Variants in CNTNAP2 observed in about 807,000 individuals in gnomAD.
CNTNAP2 encodes contactin-associated protein-like 2.
In CNTNAP2, 98 loss-of-function variants were observed where a neutral mutation model predicts 155.2. The observed-to-expected ratio is 0.63, with a 90% CI of 0.54 to 0.75. The LOEUF is 0.75. Among genes scored for constraint, CNTNAP2 ranks in the 30% least tolerant of loss-of-function variants. The probability of loss-of-function intolerance (pLI) is 0.00; values close to 1 mark genes in which losing one functional copy is unlikely to be tolerated. For missense variants in CNTNAP2, 1,727 were observed against 1,688.1 expected (o/e 1.02, Z -0.40); for synonymous variants, 651 against 631.2 (o/e 1.03, Z -0.47).
At chr7:146,682,257 T>A (rs2533120) in intron 1 of CNTNAP2, among the ~76,000 whole-genome samples, 1 of 151,880 alleles carries the variant, frequency 6.6e-6, no homozygotes, top group Non-Finnish European at 1.5e-5. Flanking sequence ...ATATTTTTAA[T>A]GTAAGTACTC....
At chr7:146,703,787 C>T (rs998198812) in intron 1 of CNTNAP2, among the ~76,000 whole-genome samples, 4 of 152,128 alleles carry the variant, frequency 2.6e-5, no homozygotes, top group African/African-American at 9.6e-5. Flanking sequence ...TTAATAACAT[C>T]ACATTGGGGA....
intron 21 of CNTNAP2, among the ~76,000 whole-genome samples, chr7:148,278,330 G>T (rs549318263): frequency 3.9e-5 from 6 of 152,196 alleles, no homozygotes; most frequent in African/African-American, 1.4e-4. Context: ...ACTTTGGAAA[G>T]CCGAGGCAGG....
intron 3 of CNTNAP2, among the ~76,000 whole-genome samples, chr7:146,872,162 A>ATTTT: frequency 9.0e-6 from 1 of 111,526 alleles, no homozygotes; most frequent in African/African-American, 3.4e-5. Flanking sequence ...AAATTATTGA[A>ATTTT]TTTTTTTTTT....
intron 14 of CNTNAP2, among the ~76,000 whole-genome samples, chr7:147,975,814 T>C (rs776513935): frequency 7.2e-5 from 11 of 152,176 alleles, no homozygotes; most frequent in South Asian, 2.1e-4. Context: ...GGAAACTTGA[T>C]TGAGTTACAC....
chr7:146,844,422 A>C (rs980106269), intron 3 of CNTNAP2, among the ~76,000 whole-genome samples: 3 of 152,262 alleles, frequency 2.0e-5, no homozygotes, highest in South Asian at 2.1e-4. Flanking sequence ...AAAATTGCCC[A>C]AAAAATCATT....
intron 1 of CNTNAP2, among the ~76,000 whole-genome samples, chr7:146,208,975 C>T (rs893789472): frequency 6.6e-5 from 10 of 151,928 alleles, no homozygotes; most frequent in African/African-American, 2.4e-4. Flanking sequence ...AAAAAAGTAA[C>T]CTATATAATG....
chr7:148,408,821 A>G (rs2159127), intron 22 of CNTNAP2, among the ~76,000 whole-genome samples: 87,369 of 151,958 alleles, frequency 0.57, 25,815 homozygotes, highest in African/African-American at 0.66. Flanking sequence ...TCTTACGTTT[A>G]TAATAGGGAA....
chr7:147,449,406 C>T (rs979991638), intron 10 of CNTNAP2, among the ~76,000 whole-genome samples: 2 of 152,092 alleles, frequency 1.3e-5, no homozygotes, highest in African/African-American at 2.4e-5. Flanking sequence ...CCGTGGGCAA[C>T]CTACAACCAA....
chr7:147,136,308 T>C (rs1391767295), intron 8 of CNTNAP2, among the ~76,000 whole-genome samples: 1 of 152,050 alleles, frequency 6.6e-6, no homozygotes, highest in Non-Finnish European at 1.5e-5. Flanking sequence ...TGTTTTCTTA[T>C]ACTCAAGTAT....
chr7:148,087,107 G>A lies in CNTNAP2; in HGVS notation c.2384-31011G>A, dbSNP rs376689136. Among the ~76,000 whole-genome samples the A allele has an allele frequency of 8.5e-5, 13 of 152,118 alleles. No individual in the cohort carries two copies. The East Asian group carries it at 1.2e-3, about 14-fold the overall frequency. ...CTTTCAGTCCTCCTCCTCAGAACAC[G>A]TGCCCGAACTATCATTTTTGAGATC... is the stretch of plus-strand genomic sequence containing the variant. On this transcript the variant is annotated intron_variant, in intron 15 of 23. Transcript: ENST00000361727.
chr7:146,202,945 T>C (rs1330679973), intron 1 of CNTNAP2, among the ~76,000 whole-genome samples: 1 of 152,224 alleles, frequency 6.6e-6, no homozygotes, highest in Non-Finnish European at 1.5e-5. Context: ...CATAAACATC[T>C]TAACTATTTT....
chr7:146,155,023 CATAGAT>C (rs980081305), intron 1 of CNTNAP2, among the ~76,000 whole-genome samples: 1 of 152,160 alleles, frequency 6.6e-6, no homozygotes, highest in African/African-American at 2.4e-5. Context: ...TGCAACCACA[CATAGAT>C]ATAAACTCTA....
chr7:146,235,588 T>G (rs1799459036), intron 1 of CNTNAP2, among the ~76,000 whole-genome samples: 1 of 152,150 alleles, frequency 6.6e-6, no homozygotes, highest in Admixed American at 6.5e-5. Context: ...AGCATCATCT[T>G]CTCTGGGGCA....
At chr7:147,167,407 C>T (rs1802136312) in intron 8 of CNTNAP2, 1 of 1,314,474 alleles carries the variant, frequency 7.6e-7, no homozygotes, top group Non-Finnish European at 1.0e-6. Context: ...TTTGAAAAGC[C>T]CTTCCTCTGG....
intron 12 of CNTNAP2, among the ~76,000 whole-genome samples, chr7:147,593,205 T>A (rs1347758527): frequency 3.5e-5 from 5 of 141,876 alleles, no homozygotes; most frequent in African/African-American, 1.3e-4. Flanking sequence ...TCTTAAGACC[T>A]TCCCTTATTT....
At chr7:148,140,610 T>A (rs1301078651) in intron 16 of CNTNAP2, among the ~76,000 whole-genome samples, 1 of 151,930 alleles carries the variant, frequency 6.6e-6, no homozygotes, top group African/African-American at 2.4e-5. Context: ...TTAATAGGGA[T>A]GGCATTTCTC....
At chr7:146,210,812 C>G (rs7789370) in intron 1 of CNTNAP2, among the ~76,000 whole-genome samples, 43,925 of 151,186 alleles carry the variant, frequency 0.29, 7,214 homozygotes, top group African/African-American at 0.45. Context: ...AATGGGTTGT[C>G]GGGTAAGACA....
At chr7:146,511,399 ATT>A (rs1797463980) in intron 1 of CNTNAP2, among the ~76,000 whole-genome samples, 1 of 152,158 alleles carries the variant, frequency 6.6e-6, no homozygotes, top group Admixed American at 6.5e-5. Flanking sequence ...ATTTTTCTCC[ATT>A]TAGTATGACA....
chr7:146,645,683 CTG>C (rs920535109), intron 1 of CNTNAP2, among the ~76,000 whole-genome samples: 2 of 152,222 alleles, frequency 1.3e-5, no homozygotes, highest in Admixed American at 6.5e-5. Context: ...CCCATTGAAA[CTG>C]TGAAATTCAA....
Sources: gnomAD v4.1 joint callset for allele counts (sites outside exome capture counted in the v4.1 genomes callset) on GRCh38, gnomAD v4.1.1 for gene constraint, MANE v1.5 for transcripts, NCBI Gene and HGNC (gene_info 2026-07-23, HGNC 2026-07-21) for gene names.